ENPP2: variants seen among roughly 807,000 people sequenced by gnomAD.
ENPP2 encodes autotaxin.
Under a neutral mutation model 120.2 loss-of-function variants are expected in ENPP2, and 51 were observed. The ratio of observed to expected loss-of-function variants is 0.42; its 90% CI spans 0.34 to 0.54. ENPP2 has a LOEUF of 0.54. Among genes scored for constraint, ENPP2 ranks in the 20% least tolerant of loss-of-function variants. ENPP2 has a pLI of 0.04. For missense variants in ENPP2, 920 were observed against 1,066.5 expected (o/e 0.86, Z 1.91); for synonymous variants, 365 against 366.4 (o/e 1.00, Z 0.04).
At chr8:119,658,332 G>A (rs1446685531) in intron 1 of ENPP2, among the ~76,000 whole-genome samples, 1 of 152,206 alleles carries the variant, frequency 6.6e-6, no homozygotes, top group South Asian at 2.1e-4. Flanking sequence ...GTGCAGTGGT[G>A]CAATCATAGC....
chr8:119,568,400 G>T (rs2243749), intron 21 of ENPP2, 148 bp from the exon 22 acceptor site: 347,097 of 587,510 alleles, frequency 0.59, 106,433 homozygotes, highest in African/African-American at 0.81. Flanking sequence ...TCCTAACTGC[G>T]TTATACAACA....
At chr8:119,672,972 C>A (rs1818295802) in intron 1 of ENPP2, among the ~76,000 whole-genome samples, 2 of 152,198 alleles carry the variant, frequency 1.3e-5, no homozygotes, top group African/African-American at 4.8e-5. Context: ...CGTGGTGAAC[C>A]GAGAGTCCTG....
At chr8:119,595,802 T>C (rs751244479) in intron 11 of ENPP2, 5 of 1,605,664 alleles carry the variant, frequency 3.1e-6, no homozygotes, top group Non-Finnish European at 4.3e-6. Context: ...AACCTTCAAC[T>C]CAGACCTGCC....
intron 1 of ENPP2, among the ~76,000 whole-genome samples, chr8:119,648,133 G>T (rs1202145901): frequency 6.6e-6 from 1 of 152,152 alleles, no homozygotes; most frequent in African/African-American, 2.4e-5. Flanking sequence ...TTCACACAGG[G>T]TTGATATGAA....
intron 17 of ENPP2, 21 bp from the exon 18 acceptor site, chr8:119,582,623 G>C (rs1812828233): frequency 6.4e-7 from 1 of 1,552,734 alleles, no homozygotes; most frequent in African/African-American, 1.4e-5. Flanking sequence ...TTAAGAAAAG[G>C]AGGCAGGTGC....
intron 1 of ENPP2, among the ~76,000 whole-genome samples, chr8:119,657,561 G>T (rs1817802584): frequency 6.6e-6 from 1 of 152,160 alleles, no homozygotes; most frequent in Non-Finnish European, 1.5e-5. Context: ...GCTGCAGCAT[G>T]TAATTAGCGA....
chr8:119,607,328 G>C (rs748465637), intron 9 of ENPP2, among the ~76,000 whole-genome samples: 1 of 152,104 alleles, frequency 6.6e-6, no homozygotes, highest in Non-Finnish European at 1.5e-5. Flanking sequence ...CTACAAACAG[G>C]AATAGAAAAA....
chr8:119,571,958 A>C, intron 19 of ENPP2: 2 of 484,344 alleles, frequency 4.1e-6, no homozygotes, highest in South Asian at 5.9e-5. Flanking sequence ...TTACAACACA[A>C]GCCTGTTCTG....
At chr8:119,621,325 C>T (rs1815878895) in intron 4 of ENPP2, 69 bp downstream of exon 4, 2 of 1,455,278 alleles carry the variant, frequency 1.4e-6, no homozygotes, top group South Asian at 2.3e-5. Flanking sequence ...TTCCTAGCAT[C>T]CAGGATCTCC....
chr8:119,646,072 G>A (rs1034867581), intron 1 of ENPP2, among the ~76,000 whole-genome samples: 12 of 151,566 alleles, frequency 7.9e-5, no homozygotes, highest in Admixed American at 6.6e-5. Context: ...GGGTTCAAGC[G>A]ATTCTCCTGC....
chr8:119,636,562 C>A (rs1817011324), intron 2 of ENPP2, among the ~76,000 whole-genome samples: 1 of 152,088 alleles, frequency 6.6e-6, no homozygotes, highest in African/African-American at 2.4e-5. Flanking sequence ...TTCGTGTAGC[C>A]CACTTAAGAC....
chr8:119,651,081 C>T (rs534253127), intron 1 of ENPP2, among the ~76,000 whole-genome samples: 20 of 152,142 alleles, frequency 1.3e-4, no homozygotes, highest in African/African-American at 4.1e-4. Context: ...ATAGATATGT[C>T]ACAGAGCTAA....
intron 18 of ENPP2, among the ~76,000 whole-genome samples, chr8:119,581,925 G>T (rs989408390): frequency 6.6e-6 from 1 of 151,810 alleles, no homozygotes; most frequent in Non-Finnish European, 1.5e-5. Flanking sequence ...TAGAGACAGG[G>T]TTTCACCATG....
intron 1 of ENPP2, among the ~76,000 whole-genome samples, chr8:119,653,879 G>A (rs1033004774): frequency 6.6e-6 from 1 of 151,186 alleles, no homozygotes; most frequent in Non-Finnish European, 1.5e-5. Flanking sequence ...TTCCTCAAAC[G>A]TTTGAAAGTT....
chr8:119,647,726 C>T (rs895481404), intron 1 of ENPP2, among the ~76,000 whole-genome samples: 1 of 152,122 alleles, frequency 6.6e-6, no homozygotes, highest in African/African-American at 2.4e-5. Flanking sequence ...ATTCTGTGGC[C>T]GGGCGCAGTG....
chr8:119,600,745 G>C lies in ENPP2; in HGVS notation c.905C>G (p.Ser302Trp), dbSNP rs1563718147. The C allele has an allele frequency of 6.2e-7, 1 of 1,602,574 alleles. No homozygotes were observed. The highest frequency in any genetic ancestry group is 1.3e-5 in the African/African-American group (1 of 74,608). The change falls in exon 11 of 25, where the codon TCG becomes TGG. Residue 302 changes from serine (S) to tryptophan (W), a missense_variant. By Grantham distance (177) the Ser-to-Trp change is radical. Coordinates refer to ENST00000075322, the MANE Select transcript of ENPP2 (RefSeq NM_001040092.3). ...TTGCTCAGAATAGAAGGCATAGACCGAAGGCCTATAAGAAAATTGGAAGGT... is the reference window on the plus strand; with the variant it reads ...TTGCTCAGAATAGAAGGCATAGACCCAAGGCCTATAAGAAAATTGGAAGGT... Reference protein sequence around the residue: ...WLTLPDHERPSVYAFYSEQPD... With the variant: ...WLTLPDHERPWVYAFYSEQPD...
At chr8:119,595,563 T>C (rs1302538694) in intron 11 of ENPP2, among the ~76,000 whole-genome samples, 1 of 152,162 alleles carries the variant, frequency 6.6e-6, no homozygotes, top group Non-Finnish European at 1.5e-5. Flanking sequence ...TGTGAATAAG[T>C]GCACTCTTAA....
At chr8:119,609,018 G>A (rs2130642271) in intron 8 of ENPP2, among the ~76,000 whole-genome samples, 1 of 152,304 alleles carries the variant, frequency 6.6e-6, no homozygotes, top group Non-Finnish European at 1.5e-5. Flanking sequence ...AGAGAGAATT[G>A]TGGTTTGCCT....
intron 9 of ENPP2, among the ~76,000 whole-genome samples, chr8:119,602,672 G>C (rs1358209214): frequency 2.0e-5 from 3 of 151,920 alleles, no homozygotes; most frequent in African/African-American, 7.3e-5. Context: ...CTCACAAGCT[G>C]AGTGATATCT....
Sources: allele counts gnomAD v4.1 joint callset (sites outside exome capture counted in the v4.1 genomes callset), GRCh38; gene constraint gnomAD v4.1.1; transcripts MANE v1.5; gene names NCBI Gene and HGNC (gene_info 2026-07-23, HGNC 2026-07-21).